Variants in TECRL observed in about 807,000 individuals in gnomAD.
The protein encoded by TECRL is trans-2,3-enoyl-CoA reductase like, also known as trans-2,3-enoyl-CoA reductase-like.
TECRL carries 63 observed loss-of-function variants against 52.8 expected under a neutral mutation model. That is an observed-to-expected ratio of 1.19 (90% CI 0.97 to 1.47). The LOEUF is 1.47. Among genes scored for constraint, TECRL ranks in the 40% most tolerant of loss-of-function variants. The pLI is 0.00. For synonymous variants in TECRL, 164 were observed against 141.9 expected (o/e 1.16, Z -1.10); for missense variants, 482 against 429.6 (o/e 1.12, Z -1.08).
chr4:64,369,529 G>A (rs13131221), intron 2 of TECRL, among the ~76,000 whole-genome samples: 7 of 151,968 alleles, frequency 4.6e-5, no homozygotes, highest in African/African-American at 1.5e-4. Flanking sequence ...TGGGTACTAC[G>A]GGGACTTCTG....
chr4:64,325,983 G>A (rs1718235122), intron 3 of TECRL, among the ~76,000 whole-genome samples: 1 of 152,058 alleles, frequency 6.6e-6, no homozygotes, highest in Non-Finnish European at 1.5e-5. Context: ...AATATATAGG[G>A]CCAAGAGGAC....
chr4:64,299,839 T>C, intron 8 of TECRL, 135 bp downstream of exon 8: 1 of 333,576 alleles, frequency 3.0e-6, no homozygotes, highest in East Asian at 5.3e-5. Flanking sequence ...TATGATTTAC[T>C]TCATTTTATA....
intron 1 of TECRL, among the ~76,000 whole-genome samples, chr4:64,401,514 A>G (rs916007189): frequency 2.6e-5 from 4 of 152,182 alleles, no homozygotes; most frequent in Non-Finnish European, 4.4e-5. Context: ...TCTTTTACAT[A>G]AAAGAATTAT....
intron 2 of TECRL, among the ~76,000 whole-genome samples, chr4:64,331,668 A>AT (rs1269114432): frequency 3.3e-5 from 5 of 152,092 alleles, no homozygotes; most frequent in Non-Finnish European, 7.4e-5. Context: ...AACCTACAGG[A>AT]TTTTTTGAGA....
At chr4:64,382,300 CATTAT>C (rs1426928519) in intron 1 of TECRL, among the ~76,000 whole-genome samples, 1 of 139,970 alleles carries the variant, frequency 7.1e-6, no homozygotes, top group East Asian at 2.0e-4. Flanking sequence ...ATATATTATA[CATTAT>C]ATTATATATT....
chr4:64,372,884 A>G (rs1487835351), intron 2 of TECRL, among the ~76,000 whole-genome samples: 1 of 151,744 alleles, frequency 6.6e-6, no homozygotes, highest in Non-Finnish European at 1.5e-5. Context: ...CTTTGTAAGT[A>G]TATGATTAAT....
At chr4:64,307,615 C>T (rs946903329) in intron 6 of TECRL, among the ~76,000 whole-genome samples, 1 of 152,284 alleles carries the variant, frequency 6.6e-6, no homozygotes, top group Non-Finnish European at 1.5e-5. Flanking sequence ...CTGCACTCCC[C>T]TTAAGAACAA....
At position 64,286,306 on chromosome 4, in the gene TECRL, A is replaced by G. The variant is rs112602421; in HGVS notation, c.832+3404T>C. ...TTGTGGACAAGGAAGAAACTTTCCC[A>G]GTAATATGAAATATATTTTCATTTG... On this transcript the variant is annotated intron_variant, in intron 9 of 11. Transcript: ENST00000381210. Among the ~76,000 whole-genome samples, 1,344 of 152,202 alleles carry G rather than the reference A, an allele frequency of 8.8e-3. 18 individuals carry two copies. Among genetic ancestry groups the G allele is most frequent in the African/African-American group, 0.031 (1,280 of 41,546 alleles).
chr4:64,351,462 T>C (rs1577918763), intron 2 of TECRL, among the ~76,000 whole-genome samples: 1 of 152,022 alleles, frequency 6.6e-6, no homozygotes, highest in Non-Finnish European at 1.5e-5. Flanking sequence ...TTTAGAAGGA[T>C]GAGGTCTCAC....
At chr4:64,362,578 C>A (rs1051777590) in intron 2 of TECRL, among the ~76,000 whole-genome samples, 1 of 151,836 alleles carries the variant, frequency 6.6e-6, no homozygotes, top group African/African-American at 2.4e-5. Flanking sequence ...GAAATTCCAA[C>A]CAAGAATTTA....
chr4:64,407,575 G>A (rs75776782), intron 1 of TECRL, among the ~76,000 whole-genome samples: 6,903 of 151,636 alleles, frequency 0.046, 335 homozygotes, highest in African/African-American at 0.12. Context: ...TTGCCTGTCA[G>A]GGTCTATACA....
chr4:64,301,567 ATGATAACAAACGGAAGTTTGT>A (rs71907282), intron 7 of TECRL, among the ~76,000 whole-genome samples: 4,496 of 151,388 alleles, frequency 0.03, 101 homozygotes, highest in African/African-American at 0.064. Flanking sequence ...TACTAATCAC[ATGATAACAAACGGAAGTTTGT>A]TAAAATTGAT....
Position 64,278,049 on chromosome 4 carries a change from T to G in TECRL, c.*2023A>C, listed in dbSNP as rs1430684002. ...CATTTGAAATATGCATATATTTGTG[T>G]ATGTGTATATATATGTGTATATATA... On this transcript the variant is annotated 3_prime_UTR_variant, in exon 12 of 12. Transcript: ENST00000381210. 1.3e-5 allele frequency: 2 copies of G among 151,754 alleles called. No individual in the cohort carries two copies. The highest frequency in any genetic ancestry group is 4.8e-5 in the African/African-American group (2 of 41,428). 9.4% of individuals were successfully genotyped at this position (151,754 alleles called of 1,614,324 possible). A position where few individuals can be genotyped will look rare whatever the true frequency, so the allele number is the denominator to read the frequency against.
chr4:64,344,447 G>A (rs1197168128), intron 2 of TECRL, among the ~76,000 whole-genome samples: 1 of 151,954 alleles, frequency 6.6e-6, no homozygotes, highest in East Asian at 1.9e-4. Flanking sequence ...CACAATTTAG[G>A]ACATTTTATA....
chr4:64,392,643 C>T (rs1424672266), intron 1 of TECRL, among the ~76,000 whole-genome samples: 1 of 151,868 alleles, frequency 6.6e-6, no homozygotes, highest in African/African-American at 2.4e-5. Flanking sequence ...GACTTAAACT[C>T]TGCTTTTATA....
intron 1 of TECRL, among the ~76,000 whole-genome samples, chr4:64,381,136 T>C (rs1388733235): frequency 1.3e-5 from 2 of 151,724 alleles, no homozygotes; most frequent in African/African-American, 2.4e-5. Flanking sequence ...ATTTATTCAA[T>C]TTTTTTTGGT....
chr4:64,391,461 A>G (rs1193295418), intron 1 of TECRL, among the ~76,000 whole-genome samples: 1 of 151,876 alleles, frequency 6.6e-6, no homozygotes, highest in East Asian at 1.9e-4. Context: ...ACTGAGTCCT[A>G]TATGTATTAG....
intron 2 of TECRL, among the ~76,000 whole-genome samples, chr4:64,338,941 C>A (rs1719336701): frequency 6.6e-6 from 1 of 151,844 alleles, no homozygotes; most frequent in Admixed American, 6.6e-5. Flanking sequence ...GGGTATATAC[C>A]CAAAGGAATA....
intron 1 of TECRL, among the ~76,000 whole-genome samples, chr4:64,382,464 A>G (rs1007824769): frequency 2.7e-5 from 4 of 150,892 alleles, no homozygotes; most frequent in Non-Finnish European, 5.9e-5. Context: ...TTTCATCATT[A>G]TATAATGACC....
Sources: gnomAD v4.1 joint callset for allele counts (sites outside exome capture counted in the v4.1 genomes callset) on GRCh38, gnomAD v4.1.1 for gene constraint, MANE v1.5 for transcripts, NCBI Gene and HGNC (gene_info 2026-07-23, HGNC 2026-07-21) for gene names.